MCC: variants seen among roughly 807,000 people sequenced by gnomAD.
The protein encoded by MCC is MCC regulator of Wnt signaling pathway, also known as colorectal mutant cancer protein.
A neutral mutation model predicts 116.2 loss-of-function variants in MCC; 90 were observed. The ratio of observed to expected loss-of-function variants is 0.77; its 90% CI spans 0.65 to 0.92. MCC has a LOEUF of 0.92. Among genes scored for constraint, MCC ranks in the 40% least tolerant of loss-of-function variants. The pLI, the probability that MCC is intolerant of heterozygous loss-of-function variation, is 0.00. For missense variants in MCC, 1,516 were observed against 1,312.2 expected, an observed-to-expected ratio of 1.16 and a Z score of -2.40; for synonymous variants, 578 against 510.5, an observed-to-expected ratio of 1.13 and a Z score of -1.78.
intron 1 of MCC, among the ~76,000 whole-genome samples, chr5:113,431,713 T>G (rs1304393413): frequency 7.8e-6 from 1 of 128,592 alleles, no homozygotes; most frequent in East Asian, 2.7e-4. Flanking sequence ...GCTAACAGTG[T>G]GGCCAGGCGC....
chr5:113,070,763 T>A (rs1045093933), intron 12 of MCC, among the ~76,000 whole-genome samples: 1 of 152,128 alleles, frequency 6.6e-6, no homozygotes, highest in African/African-American at 2.4e-5. Context: ...AGAACTAGAA[T>A]GCACTAGATT....
At position 113,053,713 on chromosome 5, in the gene MCC, C is replaced by T; in HGVS notation, c.2448+12G>A. The stretch of plus-strand genomic sequence containing the variant: ...GTGGCAGCCTAGCACATGGGACCCA[C>T]CCACCACATACCTTCATGGCCATGA... On this transcript the variant is annotated intron_variant, in intron 15 of 18. Coordinates refer to ENST00000408903, the MANE Select transcript of MCC (RefSeq NM_001085377.2). 6.3e-7 allele frequency: 1 copy of T among 1,589,936 alleles called. No individual in the cohort carries two copies. Among genetic ancestry groups the T allele is most frequent in the Non-Finnish European group, 8.6e-7 (1 of 1,159,506 alleles).
intron 11 of MCC, among the ~76,000 whole-genome samples, chr5:113,082,456 G>C (rs1023605385): frequency 3.3e-5 from 5 of 152,210 alleles, no homozygotes; most frequent in African/African-American, 9.7e-5. Context: ...TGCAGCACAG[G>C]CCTGCATGCT....
chr5:113,367,215 T>TAATGAA, intron 2 of MCC, among the ~76,000 whole-genome samples: 1 of 152,214 alleles, frequency 6.6e-6, no homozygotes, highest in Non-Finnish European at 1.5e-5. Context: ...CAAATTATTA[T>TAATGAA]AATGAAAATA....
chr5:113,028,041 C>T (rs1452063260), intron 18 of MCC, among the ~76,000 whole-genome samples: 2 of 152,128 alleles, frequency 1.3e-5, no homozygotes, highest in African/African-American at 4.8e-5. Context: ...CTGTTCCCAC[C>T]AGAGCCTGGT....
intron 13 of MCC, among the ~76,000 whole-genome samples, chr5:113,065,931 T>C (rs1753571547): frequency 1.3e-5 from 2 of 152,198 alleles, no homozygotes; most frequent in Admixed American, 1.3e-4. Flanking sequence ...GGTGGACCCA[T>C]TCTGCAGGCC....
At chr5:113,415,080 T>C (rs1274151343) in intron 1 of MCC, among the ~76,000 whole-genome samples, 6 of 152,220 alleles carry the variant, frequency 3.9e-5, no homozygotes, top group Non-Finnish European at 7.3e-5. Flanking sequence ...TCTTTAAGAA[T>C]GTTGAATATT....
intron 2 of MCC, among the ~76,000 whole-genome samples, chr5:113,352,262 G>C (rs1031696732): frequency 3.3e-5 from 5 of 152,072 alleles, no homozygotes; most frequent in African/African-American, 4.8e-5. Flanking sequence ...TGAAAATGCA[G>C]GTCTGGTAAC....
At chr5:113,474,647 G>T (rs189234904) in intron 1 of MCC, among the ~76,000 whole-genome samples, 3 of 152,184 alleles carry the variant, frequency 2.0e-5, no homozygotes, top group African/African-American at 7.2e-5. Flanking sequence ...TGTCAGTGCC[G>T]AGAGTCCTGG....
At chr5:113,342,217 C>T (rs1198965548) in intron 2 of MCC, among the ~76,000 whole-genome samples, 2 of 152,214 alleles carry the variant, frequency 1.3e-5, no homozygotes, top group Admixed American at 1.3e-4. Context: ...ATATATACCA[C>T]ATTTTCTTTA....
chr5:113,119,898 G>GA (rs1259176115), intron 6 of MCC, among the ~76,000 whole-genome samples: 1 of 152,176 alleles, frequency 6.6e-6, no homozygotes, highest in Admixed American at 6.5e-5. Context: ...GCAGATAGGT[G>GA]GACACTGCCT....
At chr5:113,442,166 G>C (rs1195301770) in intron 1 of MCC, among the ~76,000 whole-genome samples, 1 of 152,104 alleles carries the variant, frequency 6.6e-6, no homozygotes, top group Non-Finnish European at 1.5e-5. Flanking sequence ...AGCATCTGTT[G>C]CTTCCTGACT....
chr5:113,105,138 AT>A (rs1756655139), intron 6 of MCC, among the ~76,000 whole-genome samples: 1 of 152,210 alleles, frequency 6.6e-6, no homozygotes, highest in Non-Finnish European at 1.5e-5. Flanking sequence ...GCTGTTTTGG[AT>A]TCTGTCTATC....
chr5:113,410,075 C>T (rs1358028132), intron 1 of MCC, among the ~76,000 whole-genome samples: 1 of 152,198 alleles, frequency 6.6e-6, no homozygotes, highest in Non-Finnish European at 1.5e-5. Context: ...TCTCAAATGA[C>T]ATACCTATGT....
At chr5:113,274,114 C>T (rs995291085) in intron 3 of MCC, among the ~76,000 whole-genome samples, 35 of 152,340 alleles carry the variant, frequency 2.3e-4, no homozygotes, top group African/African-American at 7.9e-4. Flanking sequence ...ATCAAGAGTG[C>T]CACACAGGGG....
At chr5:113,109,451 G>A (rs985695841) in intron 6 of MCC, among the ~76,000 whole-genome samples, 10 of 152,070 alleles carry the variant, frequency 6.6e-5, no homozygotes, top group South Asian at 4.2e-4. Flanking sequence ...TCTAGAAGAC[G>A]CAAATGCAGA....
intron 3 of MCC, among the ~76,000 whole-genome samples, chr5:113,315,425 A>G (rs1767254865): frequency 6.6e-6 from 1 of 152,240 alleles, no homozygotes; most frequent in Non-Finnish European, 1.5e-5. Flanking sequence ...TAATAGAACA[A>G]AAAGAGAAGA....
In MCC at chr5:113,090,206, G is replaced by C. The variant is rs928179882; in HGVS notation, c.1399-4896C>G. Among the ~76,000 whole-genome samples the C allele has an allele frequency of 4.6e-5, 7 of 152,096 alleles. No homozygotes were observed. The East Asian group carries it at 9.6e-4, about 21-fold the overall frequency. On this transcript the variant is annotated intron_variant, in intron 8 of 18. Transcript: ENST00000408903. ...CCTTTTTCTCGGGGAGAAAAGGAAA[G>C]GAGGTGAGGACGGGCAATAACAAAC... is the stretch of plus-strand genomic sequence containing the variant.
At chr5:113,126,481 T>G (rs1758058968) in intron 5 of MCC, among the ~76,000 whole-genome samples, 1 of 152,222 alleles carries the variant, frequency 6.6e-6, no homozygotes, top group African/African-American at 2.4e-5. Context: ...GCTGCATGAA[T>G]CCATTTATAT....
Sources: allele counts gnomAD v4.1 joint callset (sites outside exome capture counted in the v4.1 genomes callset), GRCh38; gene constraint gnomAD v4.1.1; transcripts MANE v1.5; gene names NCBI Gene and HGNC (gene_info 2026-07-23, HGNC 2026-07-21).